The following NEGR1 variants were observed in gnomAD, a reference collection of about 807,000 sequenced individuals.
NEGR1 encodes the protein neuronal growth regulator 1.
A neutral mutation model predicts 40.9 loss-of-function variants in NEGR1; 10 were observed. The ratio of observed to expected loss-of-function variants is 0.24; its 90% CI spans 0.15 to 0.42. NEGR1 has a LOEUF of 0.42. NEGR1 is among the 10% of genes least tolerant of loss of function. The pLI, the probability that NEGR1 is intolerant of heterozygous loss-of-function variation, is 1.00. For missense variants in NEGR1, 352 were observed against 438.9 expected, an observed-to-expected ratio of 0.80 and a Z score of 1.77; for synonymous variants, 185 against 166.8, an observed-to-expected ratio of 1.11 and a Z score of -0.84.
intron 6 of NEGR1, among the ~76,000 whole-genome samples, chr1:71,485,512 G>A (rs1378603117): frequency 1.3e-5 from 2 of 151,532 alleles, no homozygotes; most frequent in African/African-American, 2.4e-5. Flanking sequence ...TTGGACAAGT[G>A]CTTAATGATA....
At chr1:71,744,735 C>A (rs1655328767) in intron 3 of NEGR1, among the ~76,000 whole-genome samples, 1 of 152,114 alleles carries the variant, frequency 6.6e-6, no homozygotes, top group Non-Finnish European at 1.5e-5. Context: ...CAAGTTCAAT[C>A]TTAGTTTTTT....
intron 2 of NEGR1, among the ~76,000 whole-genome samples, chr1:71,858,035 T>C (rs1005299999): frequency 8.5e-5 from 13 of 152,072 alleles, no homozygotes; most frequent in African/African-American, 3.1e-4. Flanking sequence ...AGTGTTGCAA[T>C]TTGGCTTTCA....
intron 6 of NEGR1, among the ~76,000 whole-genome samples, chr1:71,521,486 A>T (rs748259598): frequency 6.6e-6 from 1 of 152,004 alleles, no homozygotes; most frequent in Non-Finnish European, 1.5e-5. Context: ...AATTGACTAG[A>T]CTTCAAACCT....
rs994645937 is a variant in NEGR1, at chr1:71,696,348, T to G, written c.667+1660A>C. Among the ~76,000 whole-genome samples, 2 of 151,682 alleles carry G rather than the reference T, an allele frequency of 1.3e-5. 1 individual carries two copies. Among genetic ancestry groups the G allele is most frequent in the African/African-American group, 4.8e-5 (2 of 41,364 alleles). On this transcript the variant is annotated intron_variant, in intron 4 of 6. Transcript: ENST00000357731. ...TTGTGGCTTGTATATGGAGTATAGGTCCCATGCAAATCTGTACAGCAGCTG... is the reference window on the plus strand; with the variant it reads ...TTGTGGCTTGTATATGGAGTATAGGGCCCATGCAAATCTGTACAGCAGCTG...
chr1:71,780,317 A>G (rs571734981), intron 2 of NEGR1, among the ~76,000 whole-genome samples: 3 of 152,344 alleles, frequency 2.0e-5, no homozygotes, highest in Non-Finnish European at 1.5e-5. Context: ...AAATATATTG[A>G]TGAGTGTAAA....
chr1:71,469,699 C>A (rs907277011), intron 6 of NEGR1, among the ~76,000 whole-genome samples: 2 of 152,086 alleles, frequency 1.3e-5, no homozygotes, highest in East Asian at 1.9e-4. Context: ...TAGCAGAGAT[C>A]ATAGATCTTT....
chr1:71,990,916 A>T (rs61393536), intron 1 of NEGR1, among the ~76,000 whole-genome samples: 2,664 of 119,110 alleles, frequency 0.022, 52 homozygotes, highest in African/African-American at 0.064. Context: ...ATATATATAT[A>T]TATTTTTTTT....
chr1:71,874,375 T>C (rs557992305), intron 2 of NEGR1, among the ~76,000 whole-genome samples: 1 of 152,294 alleles, frequency 6.6e-6, no homozygotes, highest in East Asian at 1.9e-4. Context: ...TGCATTCTTA[T>C]TTTTAGTTGT....
intron 1 of NEGR1, among the ~76,000 whole-genome samples, chr1:71,954,159 A>C (rs982850849): frequency 1.3e-5 from 2 of 151,968 alleles, no homozygotes; most frequent in African/African-American, 4.8e-5. Context: ...TGTCGACATA[A>C]CAGTTCTCAG....
intron 1 of NEGR1, among the ~76,000 whole-genome samples, chr1:72,060,405 T>TC (rs1557506210): frequency 1.3e-5 from 2 of 151,604 alleles, no homozygotes; most frequent in African/African-American, 4.8e-5. Context: ...TAGCTGTATT[T>TC]CCCCCCGAAG....
intron 4 of NEGR1, among the ~76,000 whole-genome samples, chr1:71,634,587 C>T (rs570083678): frequency 1.2e-4 from 19 of 152,250 alleles, no homozygotes; most frequent in African/African-American, 2.9e-4. Context: ...ACTAGTTCAG[C>T]TGCCACAAAT....
chr1:71,710,614 T>C (rs1455583992), intron 3 of NEGR1, among the ~76,000 whole-genome samples: 1 of 152,134 alleles, frequency 6.6e-6, no homozygotes, highest in Non-Finnish European at 1.5e-5. Flanking sequence ...AAGTGAAATA[T>C]GCCAGGCACA....
At position 71,508,349 on chromosome 1, in the gene NEGR1, T is replaced by C. The variant is rs77576144; in HGVS notation, c.940+84468A>G. On this transcript the variant is annotated intron_variant, in intron 6 of 6. Coordinates refer to ENST00000357731, the MANE Select transcript of NEGR1 (RefSeq NM_173808.3). Reference sequence around the variant, plus strand: ...CCCAGGAGGGAGGGAAAAAGACTGGTGGAAAGTGCACGGGTCACCTGAGGA... The same window carrying C: ...CCCAGGAGGGAGGGAAAAAGACTGGCGGAAAGTGCACGGGTCACCTGAGGA... Among the ~76,000 whole-genome samples, 448 of 152,150 alleles carry C rather than the reference T, an allele frequency of 2.9e-3. 6 individuals carry two copies. In the East Asian group the frequency reaches 0.04, roughly 13 times the overall value.
At chr1:71,470,165 C>T (rs990999033) in intron 6 of NEGR1, among the ~76,000 whole-genome samples, 28 of 152,104 alleles carry the variant, frequency 1.8e-4, no homozygotes, top group Non-Finnish European at 7.4e-5. Flanking sequence ...GGTCTATATA[C>T]TCAGAATGCA....
chr1:71,825,342 G>C (rs1184068466), intron 2 of NEGR1, among the ~76,000 whole-genome samples: 2 of 151,766 alleles, frequency 1.3e-5, no homozygotes, highest in Admixed American at 1.3e-4. Flanking sequence ...GTTTTTAATA[G>C]GCATTTTACA....
chr1:71,761,023 T>C (rs913639416), intron 3 of NEGR1, among the ~76,000 whole-genome samples: 13 of 152,344 alleles, frequency 8.5e-5, no homozygotes, highest in East Asian at 7.7e-4. Context: ...CATGTTTTAC[T>C]GTCTCCTAGT....
intron 6 of NEGR1, among the ~76,000 whole-genome samples, chr1:71,439,075 TC>T (rs1322677181): frequency 3.9e-5 from 6 of 152,156 alleles, no homozygotes; most frequent in African/African-American, 1.4e-4. Flanking sequence ...GTGAGCAAAT[TC>T]CCCAATCCTT....
At chr1:72,170,507 A>C (rs564805770) in intron 1 of NEGR1, among the ~76,000 whole-genome samples, 1 of 152,276 alleles carries the variant, frequency 6.6e-6, no homozygotes, top group Non-Finnish European at 1.5e-5. Context: ...ATCTGGAATG[A>C]GCAGCTAAAT....
chr1:72,208,329 C>T (rs1156564780), intron 1 of NEGR1, among the ~76,000 whole-genome samples: 1 of 151,604 alleles, frequency 6.6e-6, no homozygotes, highest in Non-Finnish European at 1.5e-5. Context: ...AGTTTTATGC[C>T]AATGCATTTC....
Sources: gnomAD v4.1 joint callset for allele counts (sites outside exome capture counted in the v4.1 genomes callset) on GRCh38, gnomAD v4.1.1 for gene constraint, MANE v1.5 for transcripts, NCBI Gene and HGNC (gene_info 2026-07-23, HGNC 2026-07-21) for gene names.